RRH: variants seen among roughly 807,000 people sequenced by gnomAD.
The protein encoded by RRH is retinal pigment epithelium-derived rhodopsin homolog, also known as visual pigment-like receptor peropsin.
Under a neutral mutation model 33.1 loss-of-function variants are expected in RRH, and 36 were observed. The observed-to-expected ratio is 1.09, with a 90% CI of 0.83 to 1.44. The LOEUF (loss-of-function observed/expected upper bound fraction) is 1.44, where lower values mean the gene tolerates loss of function less well. Among genes scored for constraint, RRH ranks in the 40% most tolerant of loss-of-function variants. The pLI is 0.00. For synonymous variants in RRH, 124 were observed against 140.2 expected (o/e 0.88, Z 0.82); for missense variants, 393 against 420.2 (o/e 0.94, Z 0.57).
rs1410698281 is a variant in RRH at position 109,837,341 on chromosome 4, G to A, written c.552-96G>A. On this transcript the variant is annotated intron_variant, in intron 4 of 6. Coordinates refer to ENST00000317735, the MANE Select transcript of RRH (RefSeq NM_006583.5). Reference sequence around the variant, plus strand: ...TTCTAAAATTATTTAGCAATATAATGACTACCAGTATTGTTTTTAATAATT... The same window carrying A: ...TTCTAAAATTATTTAGCAATATAATAACTACCAGTATTGTTTTTAATAATT... The A allele has an allele frequency of 1.7e-5, 18 of 1,064,516 alleles. No homozygotes were observed. The Admixed American group carries it at 3.5e-4, about 20-fold the overall frequency. 65.9% of individuals were successfully genotyped at this position (1,064,516 alleles called of 1,614,324 possible).
Position 109,844,292 on chromosome 4 carries a change from A to T in RRH, c.*95A>T. 1.3e-6 allele frequency: 1 copy of T among 791,862 alleles called. No individual in the cohort carries two copies. Among genetic ancestry groups the T allele is most frequent in the East Asian group, 2.7e-5 (1 of 37,336 alleles). 49.1% of individuals were successfully genotyped at this position (791,862 alleles called of 1,614,324 possible). On this transcript the variant is annotated 3_prime_UTR_variant, in exon 7 of 7. Coordinates refer to ENST00000317735, the MANE Select transcript of RRH (RefSeq NM_006583.5). Reference sequence around the variant, plus strand: ...CCATTTAGATCAAGTGCAGACATGGATCATTGTCCTATGAGAGTGTAAGCT... The same window carrying T: ...CCATTTAGATCAAGTGCAGACATGGTTCATTGTCCTATGAGAGTGTAAGCT...
At chr4:109,839,692 AT>A (rs1359712266) in intron 5 of RRH, among the ~76,000 whole-genome samples, 1 of 152,148 alleles carries the variant, frequency 6.6e-6, no homozygotes, top group African/African-American at 2.4e-5. Context: ...GCTCCCACTT[AT>A]AAGTGAGAAC....
rs1451865528 is a variant in RRH at position 109,827,991 on chromosome 4, CTTA to C, written c.-32_-30del. The C allele has an allele frequency of 7.8e-7, 1 of 1,282,398 alleles. No individual in the cohort carries two copies. The highest frequency in any genetic ancestry group is 1.7e-5 in the Admixed American group (1 of 59,434). 79.4% of individuals were successfully genotyped at this position (1,282,398 alleles called of 1,614,324 possible). A position where few individuals can be genotyped will look rare whatever the true frequency, so the allele number is the denominator to read the frequency against. The stretch of plus-strand genomic sequence containing the variant: ...TAAAGCAGTTCATAATTATCGAAGG[CTTA>C]TTATGAAGGGTGTTTCGGTATCTTC... On this transcript the variant is annotated 5_prime_UTR_variant, in exon 1 of 7. It adds an upstream start codon to the 5' untranslated region. Transcript: ENST00000317735.
rs905980428 is a variant in RRH, at chr4:109,836,050, A to G, written c.441A>G (p.Gly147=). The G allele has an allele frequency of 1.9e-6, 3 of 1,614,058 alleles. No individual in the cohort carries two copies. The African/African-American group carries it at 4.0e-5, about 22-fold the overall frequency. ...ACACTTACATCGGCTTGATTCTGGGAGCCTGGATCAATGGCCTGTTTTGGG... is the reference window on the plus strand; with the variant it reads ...ACACTTACATCGGCTTGATTCTGGGGGCCTGGATCAATGGCCTGTTTTGGG... ...TTNTYIGLIL[G]AWINGLFWAL... The change falls in exon 4 of 7, where the codon GGA becomes GGG. Residue 147 remains glycine, a synonymous_variant. Transcript: ENST00000317735.
At chr4:109,839,561 G>GTATT (rs35306483) in intron 5 of RRH, among the ~76,000 whole-genome samples, 15,339 of 152,074 alleles carry the variant, frequency 0.1, 877 homozygotes, top group Admixed American at 0.15. Context: ...GACTATCCAG[G>GTATT]TATTAAGCCC....
chr4:109,829,417 C>CA (rs34337445), intron 1 of RRH, among the ~76,000 whole-genome samples: 4,257 of 140,944 alleles, frequency 0.03, 92 homozygotes, highest in Non-Finnish European at 0.043. Context: ...TGTAGATGAC[C>CA]AAAAAAAAAA....
At chr4:109,840,927 C>A (rs1304989286) in intron 5 of RRH, among the ~76,000 whole-genome samples, 1 of 151,596 alleles carries the variant, frequency 6.6e-6, no homozygotes, top group African/African-American at 2.4e-5. Context: ...ACTATTATGA[C>A]CACCATCATC....
chr4:109,842,591 G>GTAGCAAATAGAA lies in RRH; in HGVS notation c.844_845insAGCAAATAGAAT (p.Leu281_Phe282insTer). On this transcript the variant is annotated stop_gained and inframe_insertion, in exon 6 of 7. Coordinates refer to ENST00000317735, the MANE Select transcript of RRH (RefSeq NM_006583.5). LOFTEE classifies it high-confidence loss of function. ...CCCCCATGGCCATCATAGCTCCACT[G>GTAGCAAATAGAA]TTTGCAAAATCTTCTACATTCTATA... is the stretch of plus-strand genomic sequence containing the variant. 1 of 1,614,110 alleles carries GTAGCAAATAGAA rather than the reference G, an allele frequency of 6.2e-7. No individual in the cohort carries two copies. The highest frequency in any genetic ancestry group is 8.5e-7 in the Non-Finnish European group (1 of 1,179,992).
rs777670905 is a variant in RRH, at chr4:109,828,134, G to T, written c.106+1G>T. 2.1e-5 allele frequency: 33 copies of T among 1,589,040 alleles called. No homozygotes were observed. Among genetic ancestry groups the T allele is most frequent in the Non-Finnish European group, 2.7e-5 (31 of 1,157,544 alleles). ...GTTGCAACTTACTTGATTATGGCAG[G>T]TATGGATATTTAAGTAAGTTATTTT... On this transcript the variant is annotated splice_donor_variant, in intron 1 of 6. Coordinates refer to ENST00000317735, the MANE Select transcript of RRH (RefSeq NM_006583.5). LOFTEE classifies it high-confidence loss of function.
chr4:109,842,331 A>T (rs947774871), intron 5 of RRH, 138 bp from the exon 6 acceptor site: 16 of 785,928 alleles, frequency 2.0e-5, no homozygotes, highest in Admixed American at 1.3e-4. Context: ...CAGAAAAAAA[A>T]CTCAACTATT....
chr4:109,834,934 A>C (rs1249098331), intron 2 of RRH, among the ~76,000 whole-genome samples: 1 of 152,082 alleles, frequency 6.6e-6, no homozygotes, highest in Non-Finnish European at 1.5e-5. Flanking sequence ...ATTTCTTTGA[A>C]TATTTATTGT....
chr4:109,836,891 C>CAAAAAAAAAAAAAAAAAAAAAA (rs56989659), intron 4 of RRH, among the ~76,000 whole-genome samples: 11 of 84,404 alleles, frequency 1.3e-4, no homozygotes, highest in African/African-American at 5.9e-4. Context: ...CCTGTCTCTA[C>CAAAAAAAAAAAAAAAAAAAAAA]AAAAAAAAAA....
At chr4:109,842,132 G>T (rs1485563982) in intron 5 of RRH, among the ~76,000 whole-genome samples, 2 of 152,044 alleles carry the variant, frequency 1.3e-5, no homozygotes, top group Non-Finnish European at 2.9e-5. Flanking sequence ...AGTGGGGTGG[G>T]GTGGGTTTTT....
intron 4 of RRH, among the ~76,000 whole-genome samples, chr4:109,836,911 A>T (rs1733897226): frequency 6.8e-6 from 1 of 147,738 alleles, no homozygotes; most frequent in East Asian, 2.0e-4. Flanking sequence ...AAAAAAAAAA[A>T]GCAGAGGGTG....
chr4:109,839,276 G>A (rs1280281789), intron 5 of RRH, among the ~76,000 whole-genome samples: 2 of 152,158 alleles, frequency 1.3e-5, no homozygotes, highest in African/African-American at 2.4e-5. Context: ...CAATATTAAT[G>A]TAAAAATTAT....
chr4:109,839,257 C>G (rs1733943494), intron 5 of RRH, among the ~76,000 whole-genome samples: 1 of 151,954 alleles, frequency 6.6e-6, no homozygotes, highest in Non-Finnish European at 1.5e-5. Context: ...TAATGTAGTA[C>G]TTAAAAAACA....
chr4:109,834,304 G>A (rs910732929), intron 2 of RRH, among the ~76,000 whole-genome samples: 4 of 141,570 alleles, frequency 2.8e-5, no homozygotes, highest in African/African-American at 1.0e-4. Context: ...TTGGACCTTT[G>A]TTGCCATTTT....
At chr4:109,841,663 CT>C (rs1733984911) in intron 5 of RRH, among the ~76,000 whole-genome samples, 1 of 152,086 alleles carries the variant, frequency 6.6e-6, no homozygotes, top group Non-Finnish European at 1.5e-5. Flanking sequence ...ATAGTTGGCT[CT>C]TTTTAACGTT....
intron 5 of RRH, among the ~76,000 whole-genome samples, chr4:109,839,990 A>C (rs1250325808): frequency 3.3e-5 from 5 of 152,212 alleles, no homozygotes; most frequent in Non-Finnish European, 2.9e-5. Context: ...ACTCAGTAAA[A>C]GAATTGGTGG....
Sources: allele counts gnomAD v4.1 joint callset (sites outside exome capture counted in the v4.1 genomes callset), GRCh38; gene constraint gnomAD v4.1.1; transcripts MANE v1.5; gene names NCBI Gene and HGNC (gene_info 2026-07-23, HGNC 2026-07-21).